IFFO2: variants seen among roughly 807,000 people sequenced by gnomAD.
IFFO2 encodes the protein intermediate filament family orphan 2.
IFFO2 carries 19 observed loss-of-function variants against 53.5 expected under a neutral mutation model. The ratio of observed to expected loss-of-function variants is 0.36; its 90% CI spans 0.25 to 0.52. IFFO2 has a LOEUF of 0.52. Among genes scored for constraint, IFFO2 ranks in the 20% least tolerant of loss-of-function variants. IFFO2 has a pLI of 0.94. For synonymous variants in IFFO2, 303 were observed against 313.6 expected, an observed-to-expected ratio of 0.97 and a Z score of 0.36; for missense variants, 570 against 727.4, an observed-to-expected ratio of 0.78 and a Z score of 2.49.
At chr1:18,922,421 A>G (rs541638585) in intron 1 of IFFO2, among the ~76,000 whole-genome samples, 1 of 152,286 alleles carries the variant, frequency 6.6e-6, no homozygotes, top group South Asian at 2.1e-4. Context: ...CCAGCTAAAA[A>G]TAGGCCAGAG....
chr1:18,910,351 G>C lies in IFFO2; in HGVS notation c.1439C>G (p.Ser480Cys), dbSNP rs776439610. 6.2e-7 allele frequency: 1 copy of C among 1,609,974 alleles called. No homozygotes were observed. Among genetic ancestry groups the C allele is most frequent in the Non-Finnish European group, 8.5e-7 (1 of 1,178,054 alleles). Residue 480 changes from serine (S) to cysteine (C), a missense_variant, in exon 8 of 9, where the codon TCC becomes TGC. Physicochemically the swap from Ser to Cys is moderately radical, Grantham distance 112 (BLOSUM62 -1). Coordinates refer to ENST00000455833, the MANE Select transcript of IFFO2 (RefSeq NM_001136265.2). ...GAGGATGGGCGGGTACCTGTCTGCG[G>C]AGCCTTTGATGAGCCGGCGGCAGGT... ...METCRRLIKG[S>C]ADRNSPSPSS...
intron 1 of IFFO2, among the ~76,000 whole-genome samples, chr1:18,951,280 T>C (rs1276588744): frequency 1.3e-5 from 2 of 152,162 alleles, no homozygotes; most frequent in Admixed American, 6.5e-5. Flanking sequence ...CGCCCTGCTA[T>C]GGACTCCAGG....
chr1:18,926,559 G>T (rs1936300297), intron 1 of IFFO2, among the ~76,000 whole-genome samples: 2 of 152,176 alleles, frequency 1.3e-5, no homozygotes, highest in Admixed American at 6.5e-5. Context: ...GTGGCCAGGA[G>T]GGAGAGGTGG....
intron 1 of IFFO2, among the ~76,000 whole-genome samples, chr1:18,931,728 G>A (rs1476111554): frequency 6.6e-6 from 1 of 152,224 alleles, no homozygotes; most frequent in Non-Finnish European, 1.5e-5. Flanking sequence ...TACACACTCA[G>A]GTGAAATGAC....
intron 1 of IFFO2, among the ~76,000 whole-genome samples, chr1:18,935,864 A>ATTTTTTTT (rs757253270): frequency 0.016 from 1,479 of 95,234 alleles, no homozygotes; most frequent in Non-Finnish European, 0.019. Flanking sequence ...TAATTTTTCT[A>ATTTTTTTT]TTTTTTTTTT....
At chr1:18,924,622 G>A (rs538444265) in intron 1 of IFFO2, among the ~76,000 whole-genome samples, 69 of 152,314 alleles carry the variant, frequency 4.5e-4, no homozygotes, top group East Asian at 4.4e-3. Flanking sequence ...AAGTGGCAGC[G>A]CCTGGATTCG....
intron 1 of IFFO2, among the ~76,000 whole-genome samples, chr1:18,934,924 C>T (rs1218973986): frequency 1.3e-5 from 2 of 152,220 alleles, no homozygotes; most frequent in Admixed American, 1.3e-4. Context: ...TGTACCCTCA[C>T]ATTTGCATAT....
At chr1:18,940,461 C>CA (rs1178877356) in intron 1 of IFFO2, among the ~76,000 whole-genome samples, 18 of 152,288 alleles carry the variant, frequency 1.2e-4, no homozygotes, top group African/African-American at 4.3e-4. Context: ...CCAGATTCTG[C>CA]AAGCTCCCAG....
chr1:18,953,940 A>T (rs1377637009), intron 1 of IFFO2, among the ~76,000 whole-genome samples: 1 of 152,208 alleles, frequency 6.6e-6, no homozygotes, highest in Non-Finnish European at 1.5e-5. Flanking sequence ...GCATGACAAC[A>T]CAATCAACAG....
rs7538082 is a variant in IFFO2 at position 18,907,875 on chromosome 1, G to C, written c.*686C>G. 3,194 of 152,822 alleles carry C rather than the reference G, an allele frequency of 0.021. 67 individuals are homozygous for C. Among genetic ancestry groups the C allele is most frequent in the East Asian group, 0.082 (426 of 5,188 alleles). The allele number at this position is 152,822 out of a possible 1,614,324, so 9.5% of individuals were successfully genotyped here. A position where few individuals can be genotyped will look rare whatever the true frequency, so the allele number is the denominator to read the frequency against. ...TGCATAGTAGTTTAAACACAGTGAG[G>C]CTCTGCCTTCCCCTCACAGTGCCTT... On this transcript the variant is annotated 3_prime_UTR_variant, in exon 9 of 9. Transcript: ENST00000455833.
At chr1:18,948,533 T>C (rs1405675120) in intron 1 of IFFO2, among the ~76,000 whole-genome samples, 1 of 152,186 alleles carries the variant, frequency 6.6e-6, no homozygotes, top group East Asian at 1.9e-4. Flanking sequence ...CCCTCTCTTG[T>C]ACCAGGTCTA....
In IFFO2 at chr1:18,911,386, C is replaced by T. The variant is rs1036914781; in HGVS notation, c.1315G>A (p.Glu439Lys). Residue 439 changes from glutamate to lysine, a missense_variant and splice_region_variant, in exon 7 of 9, where the codon GAG (glutamate) becomes AAG (lysine). Coordinates refer to ENST00000455833, the MANE Select transcript of IFFO2 (RefSeq NM_001136265.2). ...GGCTCCACGTCCCGAGCCCTCACCTCGATCTGACCTATCGTTTCCTGGTAC... is the reference window on the plus strand; with the variant it reads ...GGCTCCACGTCCCGAGCCCTCACCTTGATCTGACCTATCGTTTCCTGGTAC... ...KEYQETIGQIELELATAKSDM... is the reference protein window; with the variant it reads ...KEYQETIGQIKLELATAKSDM... 6.0e-6 allele frequency: 9 copies of T among 1,503,424 alleles called. No individual in the cohort carries two copies. The highest frequency in any genetic ancestry group is 8.0e-6 in the Non-Finnish European group (9 of 1,122,828). The allele number at this position is 1,503,424 out of a possible 1,614,324, so 93.1% of individuals were successfully genotyped here. A position where few individuals can be genotyped will look rare whatever the true frequency, so the allele number is the denominator to read the frequency against.
intron 1 of IFFO2, among the ~76,000 whole-genome samples, chr1:18,942,708 G>A (rs77941383): frequency 0.041 from 6,242 of 152,278 alleles, 171 homozygotes; most frequent in East Asian, 0.083. Context: ...GCTCAGAAAA[G>A]GAATAACCTA....
rs746473081 is a variant in IFFO2 at position 18,907,683 on chromosome 1, C to T, written c.*878G>A. 1.3e-5 allele frequency: 2 copies of T among 152,338 alleles called. No homozygotes were observed. Among genetic ancestry groups the T allele is most frequent in the East Asian group, 1.9e-4 (1 of 5,198 alleles). The allele number at this position is 152,338 out of a possible 1,614,324, so 9.4% of individuals were successfully genotyped here. A position where few individuals can be genotyped will look rare whatever the true frequency, so the allele number is the denominator to read the frequency against. ...GCCAGTGCCTTGCGGGAACCCCAGC[C>T]TCATGACCAACCTCGGCCAAACCCA... On this transcript the variant is annotated 3_prime_UTR_variant, in exon 9 of 9. Transcript: ENST00000455833.
At position 18,905,523 on chromosome 1, in the gene IFFO2, T is replaced by A. The variant is rs76802533; in HGVS notation, c.*3038A>T. On this transcript the variant is annotated 3_prime_UTR_variant, in exon 9 of 9. Coordinates refer to ENST00000455833, the MANE Select transcript of IFFO2 (RefSeq NM_001136265.2). ...CACCCCCTCTCCTCCCACTCCAAGC[T>A]TAAGTGGTTTAATTCTCCCTAGGTC... The A allele has an allele frequency of 1.3e-5, 2 of 151,980 alleles. No individual in the cohort carries two copies. The highest frequency in any genetic ancestry group is 2.9e-5 in the Non-Finnish European group (2 of 67,992). The allele number at this position is 151,980 out of a possible 1,614,324, so 9.4% of individuals were successfully genotyped here. A position where few individuals can be genotyped will look rare whatever the true frequency, so the allele number is the denominator to read the frequency against.
At chr1:18,953,917 A>G (rs1235420825) in intron 1 of IFFO2, among the ~76,000 whole-genome samples, 1 of 152,124 alleles carries the variant, frequency 6.6e-6, no homozygotes, top group African/African-American at 2.4e-5. Flanking sequence ...AACAAACACA[A>G]CACAAGCCTG....
intron 1 of IFFO2, among the ~76,000 whole-genome samples, chr1:18,933,403 G>A (rs1334502637): frequency 1.3e-5 from 2 of 152,236 alleles, no homozygotes; most frequent in Non-Finnish European, 1.5e-5. Flanking sequence ...GAAAACATTG[G>A]TTCCCTTCAG....
Position 18,916,759 on chromosome 1 carries a change from T to C in IFFO2, c.1103+144A>G, listed in dbSNP as rs1444602129. 2 of 1,059,234 alleles carry C rather than the reference T, an allele frequency of 1.9e-6. No individual in the cohort carries two copies. The highest frequency in any genetic ancestry group is 5.3e-5 in the East Asian group (2 of 37,480). 65.6% of individuals were successfully genotyped at this position (1,059,234 alleles called of 1,614,324 possible). On this transcript the variant is annotated intron_variant, in intron 5 of 8. Transcript: ENST00000455833. The surrounding 1 kb of genome is among the most constrained non-coding windows in gnomAD (Gnocchi z 4.3). The stretch of plus-strand genomic sequence containing the variant: ...CCAGCCTCCAGCCTGGGTGACAAAG[T>C]GAGACCCTGTCTCAAAAAAAAAAAG...
intron 8 of IFFO2, among the ~76,000 whole-genome samples, chr1:18,908,911 G>C (rs759391586): frequency 6.6e-6 from 1 of 152,176 alleles, no homozygotes; most frequent in Admixed American, 6.5e-5. Flanking sequence ...GAGCTGGACC[G>C]TGGATCAAGT....
Sources: gnomAD v4.1 joint callset for allele counts (sites outside exome capture counted in the v4.1 genomes callset) on GRCh38, gnomAD v4.1.1 for gene constraint, Gnocchi (gnomAD v3.1) non-coding constraint, MANE v1.5 for transcripts, NCBI Gene and HGNC (gene_info 2026-07-23, HGNC 2026-07-21) for gene names.